PTBP3: variants seen among roughly 807,000 people sequenced by gnomAD.
The protein encoded by PTBP3 is polypyrimidine tract-binding protein 3.
In PTBP3, 20 loss-of-function variants were observed where a neutral mutation model predicts 58.7. That is an observed-to-expected ratio of 0.34 (90% CI 0.24 to 0.50). The LOEUF is 0.50. Among genes scored for constraint, PTBP3 ranks in the 20% least tolerant of loss-of-function variants. The pLI is 0.98. For synonymous variants in PTBP3, 185 were observed against 219.8 expected, an observed-to-expected ratio of 0.84 and a Z score of 1.40; for missense variants, 509 against 637.2, an observed-to-expected ratio of 0.80 and a Z score of 2.17.
chr9:112,309,605 A>G (rs1829388547), intron 1 of PTBP3, among the ~76,000 whole-genome samples: 1 of 151,932 alleles, frequency 6.6e-6, no homozygotes, highest in Non-Finnish European at 1.5e-5. Context: ...GGCCAACATG[A>G]TGAAACCCCG....
chr9:112,337,268 G>A (rs928331916), upstream of PTBP3, among the ~76,000 whole-genome samples: 1 of 152,188 alleles, frequency 6.6e-6, no homozygotes. Flanking sequence ...GGCCTCAAGT[G>A]ATCTGCTTGC....
chr9:112,264,358 T>C (rs911983299), intron 4 of PTBP3, among the ~76,000 whole-genome samples: 1 of 152,186 alleles, frequency 6.6e-6, no homozygotes, highest in Non-Finnish European at 1.5e-5. Context: ...CTGCATACAA[T>C]AATGACTCCT....
chr9:112,332,061 ATAAGG>A (rs10617934), intron 1 of PTBP3, among the ~76,000 whole-genome samples: 127,320 of 151,666 alleles, frequency 0.84, 53,737 homozygotes, highest in African/African-American at 0.92. Context: ...ATGCAACTGA[ATAAGG>A]TAATGTGAAA....
chr9:112,342,442 C>T, the PTBP3 span, among the ~76,000 whole-genome samples: 1 of 152,210 alleles, frequency 6.6e-6, no homozygotes, highest in Non-Finnish European at 1.5e-5. Flanking sequence ...TTAGACTGGA[C>T]ACAGTGGCTC....
chr9:112,227,425 A>G lies in PTBP3; in HGVS notation c.1350T>C (p.His450=). ...QNIFPPSATL[H]LSNIPPSVTV... ...TAGGTACATACGGAATGTTGGAAAG[A>G]TGCAGAGTGGCTGATGGTGGAAAGA... Residue 450 remains histidine, a synonymous_variant, in exon 12 of 14, where the codon CAT becomes CAC. Coordinates refer to ENST00000374257, the MANE Select transcript of PTBP3 (RefSeq NM_001163788.4). The G allele has an allele frequency of 6.2e-7, 1 of 1,613,756 alleles. No homozygotes were observed. Among genetic ancestry groups the G allele is most frequent in the East Asian group, 2.2e-5 (1 of 44,866 alleles).
chr9:112,295,601 TAAAAAAAAAAA>T (rs35276003), intron 2 of PTBP3, among the ~76,000 whole-genome samples: 1 of 92,526 alleles, frequency 1.1e-5, no homozygotes, highest in Admixed American at 1.2e-4. Context: ...GTTCTGTTGG[TAAAAAAAAAAA>T]AAAAAAAAAA....
chr9:112,225,789 G>A (rs922696017), intron 12 of PTBP3, among the ~76,000 whole-genome samples: 20 of 152,196 alleles, frequency 1.3e-4, no homozygotes, highest in Admixed American at 3.9e-4. Context: ...GGGCACAGTC[G>A]TTCACGTCTC....
chr9:112,346,035 G>C, the PTBP3 span, among the ~76,000 whole-genome samples: 1 of 150,838 alleles, frequency 6.6e-6, no homozygotes, highest in African/African-American at 2.4e-5. Context: ...TTTGAGACGG[G>C]GTTTCGCCAT....
chr9:112,317,156 G>T (rs564704724), intron 1 of PTBP3, among the ~76,000 whole-genome samples: 1 of 151,026 alleles, frequency 6.6e-6, no homozygotes, highest in African/African-American at 2.4e-5. Context: ...ACGGTGGGAG[G>T]ACTGCTTAAA....
chr9:112,317,148 G>T lies in PTBP3; in HGVS notation c.-52+16322C>A, dbSNP rs528024175. ...TGTTTTTAAAACATTAGCTGGGCAC[G>T]GTGGGAGGACTGCTTAAACCCAGGA... On this transcript the variant is annotated intron_variant, in intron 1 of 13. Coordinates refer to ENST00000374257, the MANE Select transcript of PTBP3 (RefSeq NM_001163788.4). 2.0e-5 allele frequency among the ~76,000 whole-genome samples: 3 copies of T among 152,038 alleles called. No homozygotes were observed. The South Asian group carries it at 6.2e-4, about 32-fold the overall frequency.
chr9:112,366,041 T>C, the PTBP3 span, among the ~76,000 whole-genome samples: 1 of 152,064 alleles, frequency 6.6e-6, no homozygotes, highest in Non-Finnish European at 1.5e-5. Flanking sequence ...TCCCAGCACT[T>C]TGGGAGGCCA....
intron 1 of PTBP3, among the ~76,000 whole-genome samples, chr9:112,302,271 T>C (rs1828967927): frequency 6.6e-6 from 1 of 151,626 alleles, no homozygotes. Context: ...GAAAGGCAAA[T>C]AAGAAATCTA....
intron 2 of PTBP3, among the ~76,000 whole-genome samples, chr9:112,286,446 T>C (rs183610860): frequency 2.6e-5 from 4 of 152,306 alleles, no homozygotes; most frequent in Non-Finnish European, 4.4e-5. Flanking sequence ...TTATATGCTA[T>C]CCCTTTTTAC....
intron 1 of PTBP3, among the ~76,000 whole-genome samples, chr9:112,305,560 T>C (rs529480492): frequency 1.7e-4 from 26 of 152,330 alleles, no homozygotes; most frequent in African/African-American, 6.3e-4. Flanking sequence ...TCGACAACAG[T>C]ACTTCCCAGG....
intron 1 of PTBP3, among the ~76,000 whole-genome samples, chr9:112,327,557 G>A (rs1003836208): frequency 1.4e-4 from 22 of 151,926 alleles, no homozygotes; most frequent in African/African-American, 4.3e-4. Context: ...GGAGACCACC[G>A]TCTCAAAAAA....
intron 5 of PTBP3, among the ~76,000 whole-genome samples, chr9:112,260,445 G>C (rs1387359172): frequency 6.6e-6 from 1 of 152,140 alleles, no homozygotes; most frequent in Non-Finnish European, 1.5e-5. Flanking sequence ...CTCTTAGTTG[G>C]CTGATGGGAT....
chr9:112,235,983 A>T (rs1427651749), intron 7 of PTBP3, among the ~76,000 whole-genome samples: 1 of 152,134 alleles, frequency 6.6e-6, no homozygotes, highest in East Asian at 1.9e-4. Flanking sequence ...GAAAAAGGTA[A>T]AACAACAGTA....
chr9:112,315,127 G>C (rs10817315), intron 1 of PTBP3, among the ~76,000 whole-genome samples: 1 of 151,626 alleles, frequency 6.6e-6, no homozygotes, highest in Non-Finnish European at 1.5e-5. Flanking sequence ...CACCGCCCCC[G>C]GCCCCCACTG....
Position 112,228,374 on chromosome 9 carries a change from T to A in PTBP3, c.1147+6A>T, listed in dbSNP as rs1835071419. 1 of 1,575,280 alleles carries A rather than the reference T, an allele frequency of 6.3e-7. No individual in the cohort carries two copies. Among genetic ancestry groups the A allele is most frequent in the South Asian group, 1.2e-5 (1 of 85,112 alleles). ...ATTATTATTAATAATTATTAATCAT[T>A]AGTACCTAGCTGAGCTTGATTTGCA... On this transcript the variant is annotated splice_donor_region_variant and intron_variant, in intron 11 of 13. Coordinates refer to ENST00000374257, the MANE Select transcript of PTBP3 (RefSeq NM_001163788.4).
Sources: allele counts gnomAD v4.1 joint callset (sites outside exome capture counted in the v4.1 genomes callset), GRCh38; gene constraint gnomAD v4.1.1; transcripts MANE v1.5; gene names NCBI Gene and HGNC (gene_info 2026-07-23, HGNC 2026-07-21).